The following IL1F10 variants were observed in gnomAD, a reference collection of about 807,000 sequenced individuals.
IL1F10 encodes interleukin 1 family member 10, also known as interleukin-1 family member 10.
In IL1F10, 13 loss-of-function variants were observed where a neutral mutation model predicts 13.1. The observed-to-expected ratio is 0.99, with a 90% CI of 0.64 to 1.57. The LOEUF (loss-of-function observed/expected upper bound fraction) is 1.57. IL1F10 is among the 40% of genes most tolerant of loss of function. IL1F10 has a pLI of 0.00. For missense variants in IL1F10, 191 were observed against 184.1 expected (o/e 1.04, Z -0.22); for synonymous variants, 78 against 68.2 (o/e 1.14, Z -0.71).
chr2:113,074,615 G>A (rs771948193), intron 3 of IL1F10, 108 bp from the exon 4 acceptor site: 1 of 1,404,172 alleles, frequency 7.1e-7, no homozygotes, highest in East Asian at 2.3e-5. Flanking sequence ...TGCAGGGCCA[G>A]GCCAGGTGTG....
At chr2:113,070,065 ATT>A (rs1490269360) in intron 1 of IL1F10, among the ~76,000 whole-genome samples, 1 of 152,180 alleles carries the variant, frequency 6.6e-6, no homozygotes, top group African/African-American at 2.4e-5. Flanking sequence ...GGACAGGTGA[ATT>A]GCGGAGGTCT....
intron 4 of IL1F10, 105 bp downstream of exon 4, chr2:113,074,955 T>A: frequency 7.1e-7 from 1 of 1,416,960 alleles, no homozygotes; most frequent in Admixed American, 1.9e-5. Flanking sequence ...CAGGTCCACA[T>A]GTCCTACTTC....
rs545464630 is a variant in IL1F10 at position 113,072,507 on chromosome 2, C to T, written c.-28-204C>T. 27 of 521,688 alleles carry T rather than the reference C, an allele frequency of 5.2e-5. No individual in the cohort carries two copies. In the South Asian group the frequency reaches 5.4e-4, roughly 10 times the overall value. 32.3% of individuals were successfully genotyped at this position (521,688 alleles called of 1,614,324 possible). On this transcript the variant is annotated intron_variant, in intron 1 of 4. Coordinates refer to ENST00000341010, the MANE Select transcript of IL1F10 (RefSeq NM_173161.3). ...CACCCCTGGTGGCTGGACTTGCTCC[C>T]GGATAGCCTCAGTCAGGGAGAGGCA...
intron 1 of IL1F10, among the ~76,000 whole-genome samples, chr2:113,069,139 A>G (rs1322701278): frequency 6.6e-6 from 1 of 152,224 alleles, no homozygotes; most frequent in Non-Finnish European, 1.5e-5. Flanking sequence ...ACAATGGGAC[A>G]CCTGTGAGTA....
chr2:113,072,884 C>T (rs186398645), intron 2 of IL1F10, 114 bp downstream of exon 2: 15 of 873,840 alleles, frequency 1.7e-5, no homozygotes, highest in Admixed American at 6.4e-5. Flanking sequence ...TTGCAAGTGC[C>T]CCATAATTAA....
intron 4 of IL1F10, 42 bp downstream of exon 4, chr2:113,074,892 G>A: frequency 6.3e-7 from 1 of 1,597,958 alleles, no homozygotes; most frequent in South Asian, 1.1e-5. Context: ...TGCAGACCTG[G>A]CCTGACCCCT....
chr2:113,070,541 A>G (rs1685818116), intron 1 of IL1F10, among the ~76,000 whole-genome samples: 1 of 152,092 alleles, frequency 6.6e-6, no homozygotes. Context: ...GGGCACAGCT[A>G]CCACACTGCC....
In IL1F10 at chr2:113,074,787, C is replaced by G. The variant is rs34320972; in HGVS notation, c.183C>G (p.Ile61Met). Residue 61 changes from isoleucine to methionine, a missense_variant, in exon 4 of 5, where the codon ATC becomes ATG. By Grantham distance (10) the Ile-to-Met change is conservative. Coordinates refer to ENST00000341010, the MANE Select transcript of IL1F10 (RefSeq NM_173161.3). ...CCAAGGTCCCCATTTTCCTGGGGAT[C>G]CAGGGAGGGAGCCGCTGCCTGGCAT... ...ARTKVPIFLG[I>M]QGGSRCLACV... 2 of 1,613,882 alleles carry G rather than the reference C, an allele frequency of 1.2e-6. No individual in the cohort carries two copies. The highest frequency in any genetic ancestry group is 2.2e-5 in the South Asian group (2 of 91,070).
chr2:113,075,097 G>A (rs926370472), intron 4 of IL1F10, 55 bp from the exon 5 acceptor site: 5 of 1,512,046 alleles, frequency 3.3e-6, no homozygotes, highest in African/African-American at 2.7e-5. Context: ...AGGCCTCCAG[G>A]GCTAACACCT....
chr2:113,074,616 G>T, intron 3 of IL1F10, 107 bp from the exon 4 acceptor site: 1 of 1,409,748 alleles, frequency 7.1e-7, no homozygotes, highest in Non-Finnish European at 1.0e-6. Flanking sequence ...GCAGGGCCAG[G>T]CCAGGTGTGC....
chr2:113,070,041 C>T (rs542936318), intron 1 of IL1F10, among the ~76,000 whole-genome samples: 1 of 152,246 alleles, frequency 6.6e-6, no homozygotes, highest in East Asian at 1.9e-4. Flanking sequence ...TAGCTGATGG[C>T]AGTGTTTGAG....
At chr2:113,073,771 T>C (rs1558848056) in intron 2 of IL1F10, among the ~76,000 whole-genome samples, 1 of 152,194 alleles carries the variant, frequency 6.6e-6, no homozygotes, top group Non-Finnish European at 1.5e-5. Flanking sequence ...AAAAGGTTAA[T>C]GAGAGCTCTC....
intron 2 of IL1F10, among the ~76,000 whole-genome samples, chr2:113,073,833 C>T (rs1272121120): frequency 6.6e-6 from 1 of 152,166 alleles, no homozygotes; most frequent in Non-Finnish European, 1.5e-5. Context: ...GGTGACTGAG[C>T]TAATACCCTG....
intron 2 of IL1F10, among the ~76,000 whole-genome samples, chr2:113,073,213 A>G (rs915329579): frequency 6.6e-6 from 1 of 152,186 alleles, no homozygotes; most frequent in Non-Finnish European, 1.5e-5. Flanking sequence ...GTGGGCTTCT[A>G]ACACTTACTT....
In IL1F10 at chr2:113,075,313, G is replaced by A; in HGVS notation, c.408G>A (p.Lys136=). The A allele has an allele frequency of 3.7e-6, 6 of 1,603,178 alleles. No individual in the cohort carries two copies. Among genetic ancestry groups the A allele is most frequent in the Non-Finnish European group, 4.3e-6 (5 of 1,171,184 alleles). Residue 136 remains lysine, a synonymous_variant, in exon 5 of 5, where the codon AAG becomes AAA. Coordinates refer to ENST00000341010, the MANE Select transcript of IL1F10 (RefSeq NM_173161.3). The stretch of plus-strand genomic sequence containing the variant: ...CCCAGCAGCCAGTACAGCTCACCAA[G>A]GAGAGTGAGCCCTCAGCCCGTACCA... The part of the protein sequence containing the change: ...AEPQQPVQLT[K]ESEPSARTKF...
chr2:113,072,575 T>C, intron 1 of IL1F10, 136 bp from the exon 2 acceptor site: 1 of 598,222 alleles, frequency 1.7e-6, no homozygotes, highest in East Asian at 3.0e-5. Flanking sequence ...CCTTGGTGGA[T>C]TCTGGCAGGC....
At position 113,074,359 on chromosome 2, in the gene IL1F10, C is replaced by T; in HGVS notation, c.63C>T (p.Tyr21=). The T allele has an allele frequency of 6.2e-7, 1 of 1,613,746 alleles. No homozygotes were observed. Among genetic ancestry groups the T allele is most frequent in the South Asian group, 1.1e-5 (1 of 91,058 alleles). ...AATATGCAGACCAGAAGGCTCTATA[C>T]ACAAGAGATGGCCAGCTGCTGGTGG... The part of the protein sequence containing the change: ...IIKYADQKAL[Y]TRDGQLLVGD... Residue 21 remains tyrosine, a synonymous_variant, in exon 3 of 5, where the codon TAC becomes TAT. Coordinates refer to ENST00000341010, the MANE Select transcript of IL1F10 (RefSeq NM_173161.3).
Position 113,074,955 on chromosome 2 carries a change from T to C in IL1F10, c.246+105T>C, listed in dbSNP as rs1300487505. 8 of 1,416,842 alleles carry C rather than the reference T, an allele frequency of 5.6e-6. No homozygotes were observed. In the East Asian group the frequency reaches 1.8e-4, roughly 33 times the overall value. 87.8% of individuals were successfully genotyped at this position (1,416,842 alleles called of 1,614,324 possible). On this transcript the variant is annotated intron_variant, in intron 4 of 4. Transcript: ENST00000341010. Reference sequence around the variant, plus strand: ...CTGTGGATTCCCAGCCAGGTCCACATGTCCTACTTCCTCAGGTTTCCACCA... The same window carrying C: ...CTGTGGATTCCCAGCCAGGTCCACACGTCCTACTTCCTCAGGTTTCCACCA...
intron 1 of IL1F10, chr2:113,072,467 C>G: frequency 2.2e-6 from 1 of 449,740 alleles, no homozygotes; most frequent in Non-Finnish European, 4.0e-6. Context: ...CGCAAGCACA[C>G]ACATCCCAGG....
Sources: allele counts gnomAD v4.1 joint callset (sites outside exome capture counted in the v4.1 genomes callset), GRCh38; gene constraint gnomAD v4.1.1; transcripts MANE v1.5; gene names NCBI Gene and HGNC (gene_info 2026-07-23, HGNC 2026-07-21).